Variants in GRAMD1B observed in about 807,000 individuals in gnomAD.
GRAMD1B encodes GRAM domain containing 1B.
Under a neutral mutation model 99.7 loss-of-function variants are expected in GRAMD1B, and 37 were observed. The observed-to-expected ratio is 0.37, with a 90% confidence interval of 0.29 to 0.49. The LOEUF (loss-of-function observed/expected upper bound fraction) is 0.49, where lower values mean the gene tolerates loss of function less well. Among genes scored for constraint, GRAMD1B ranks in the 20% least tolerant of loss-of-function variants. The pLI, the probability that GRAMD1B is intolerant of heterozygous loss-of-function variation, is 0.98. For synonymous variants in GRAMD1B, 427 were observed against 387.6 expected (o/e 1.10, Z -1.19); for missense variants, 888 against 1,009.2 (o/e 0.88, Z 1.63).
In GRAMD1B at chr11:123,627,284, C is replaced by G. The variant is rs1472304294; in HGVS notation, c.*4689C>G. 1 of 152,346 alleles carries G rather than the reference C, an allele frequency of 6.6e-6. No individual in the cohort carries two copies. Among genetic ancestry groups the G allele is most frequent in the Non-Finnish European group, 1.5e-5 (1 of 68,128 alleles). The allele number at this position is 152,346 out of a possible 1,614,324, so 9.4% of individuals were successfully genotyped here. A position where few individuals can be genotyped will look rare whatever the true frequency, so the allele number is the denominator to read the frequency against. ...GGGCATCGGCCTGGGGCTTGGGTGC[C>G]ACGTGCTGAGATTGCATAGTCAAAA... On this transcript the variant is annotated 3_prime_UTR_variant, in exon 20 of 20. Transcript: ENST00000635736.
intron 8 of GRAMD1B, among the ~76,000 whole-genome samples, chr11:123,602,492 G>C (rs367972167): frequency 2.6e-5 from 4 of 151,924 alleles, no homozygotes; most frequent in Non-Finnish European, 5.9e-5. Context: ...GAAGTCTATC[G>C]GTGCAAACAT....
intron 2 of GRAMD1B, among the ~76,000 whole-genome samples, chr11:123,562,520 C>G (rs893377553): frequency 6.6e-6 from 1 of 152,192 alleles, no homozygotes; most frequent in African/African-American, 2.4e-5. Context: ...CCCAATAAAA[C>G]TTTATTTATG....
chr11:123,541,269 A>G (rs144982029), intron 2 of GRAMD1B, among the ~76,000 whole-genome samples: 1 of 152,236 alleles, frequency 6.6e-6, no homozygotes, highest in Non-Finnish European at 1.5e-5. Context: ...AGCATTCTTT[A>G]GATAGAAACC....
At chr11:123,480,091 C>A (rs1313516088) in intron 1 of GRAMD1B, among the ~76,000 whole-genome samples, 1 of 152,146 alleles carries the variant, frequency 6.6e-6, no homozygotes, top group Non-Finnish European at 1.5e-5. Flanking sequence ...TTTTCTTTCT[C>A]TGGAGTAAGA....
In GRAMD1B at chr11:123,603,444, CT is replaced by C; in HGVS notation, c.1070del (p.Leu357ProfsTer15). 6.2e-7 allele frequency: 1 copy of C among 1,610,984 alleles called. No homozygotes were observed. The highest frequency in any genetic ancestry group is 8.5e-7 in the Non-Finnish European group (1 of 1,177,116). ...LLEKPLCPKE[L>X]WHFVHQCYGN... ...CCTGAAGCCTCTGTGTCCCAAGGAG[CT>C]CTGGCACTTTGTTCACCAGTGCTAT... On this transcript the variant is annotated frameshift_variant, in exon 9 of 20. Coordinates refer to ENST00000635736, the MANE Select transcript of GRAMD1B (RefSeq NM_001387025.1). LOFTEE classifies it high-confidence loss of function.
chr11:123,359,313 CAA>C (rs1394246099), intron 1 of GRAMD1B, among the ~76,000 whole-genome samples: 4 of 53,024 alleles, frequency 7.5e-5, no homozygotes, highest in African/African-American at 2.8e-4. Flanking sequence ...CGAGATTTGG[CAA>C]AAAGACAAAG....
chr11:123,556,801 G>T (rs1440077699), intron 2 of GRAMD1B, among the ~76,000 whole-genome samples: 1 of 152,188 alleles, frequency 6.6e-6, no homozygotes, highest in South Asian at 2.1e-4. Flanking sequence ...GGCTTTGTTA[G>T]GATTGCAGCA....
chr11:123,523,390 A>C (rs1158760237), intron 2 of GRAMD1B, among the ~76,000 whole-genome samples: 1 of 152,172 alleles, frequency 6.6e-6, no homozygotes, highest in Non-Finnish European at 1.5e-5. Flanking sequence ...ATTATCTGAA[A>C]ATCATGAGGT....
intron 1 of GRAMD1B, among the ~76,000 whole-genome samples, chr11:123,419,733 GTGTGTGTGTGT>G: frequency 7.5e-6 from 1 of 132,568 alleles, no homozygotes; most frequent in African/African-American, 2.8e-5. Context: ...GTGTGTGTGT[GTGTGTGTGTGT>G]GTGAATGAGA....
Position 123,589,614 on chromosome 11 carries a change from T to TTATATATATATATA in GRAMD1B, c.685-4458_685-4445dup, listed in dbSNP as rs71060517. 6.7e-4 allele frequency among the ~76,000 whole-genome samples: 86 copies of TTATATATATATATA among 128,254 alleles called. 1 individual carries two copies. Among genetic ancestry groups the TTATATATATATATA allele is most frequent in the African/African-American group, 2.3e-3 (65 of 28,530 alleles). 84.1% of individuals were successfully genotyped at this position (128,254 alleles called of 152,430 possible). On this transcript the variant is annotated intron_variant, in intron 4 of 19. Transcript: ENST00000635736. ...ACCTGCCACCATGTGTGGCTAATTTTTATATATATATATATATATATATTT... is the reference window on the plus strand; with the variant it reads ...ACCTGCCACCATGTGTGGCTAATTTTTATATATATATATATATATATATATATATATATATATTT...
chr11:123,533,674 G>T (rs7119938), intron 2 of GRAMD1B, among the ~76,000 whole-genome samples: 1 of 152,028 alleles, frequency 6.6e-6, no homozygotes, highest in Non-Finnish European at 1.5e-5. Context: ...TAATCCACCC[G>T]CCTGAGCCTC....
Position 123,584,398 on chromosome 11 carries a change from G to GT in GRAMD1B, c.684+66_684+67insT. ...ATGGGAGGGGGAATGGAGGTTGGGG[G>GT]AAGGGGTGTGGGGTGCGGTTGGGCT... On this transcript the variant is annotated intron_variant, in intron 4 of 19. Coordinates refer to ENST00000635736, the MANE Select transcript of GRAMD1B (RefSeq NM_001387025.1). 2.9e-6 allele frequency: 2 copies of GT among 694,248 alleles called. 1 individual carries two copies. 43.0% of individuals were successfully genotyped at this position (694,248 alleles called of 1,614,324 possible).
At chr11:123,370,037 G>A (rs910177574) in intron 1 of GRAMD1B, among the ~76,000 whole-genome samples, 24 of 151,874 alleles carry the variant, frequency 1.6e-4, no homozygotes, top group South Asian at 1.2e-3. Flanking sequence ...CTTCTTGGCC[G>A]GGCATGATGG....
chr11:123,410,025 T>C (rs376626520), intron 1 of GRAMD1B, among the ~76,000 whole-genome samples: 1 of 152,272 alleles, frequency 6.6e-6, no homozygotes, highest in South Asian at 2.1e-4. Context: ...TCTCCATCTC[T>C]GCCTTGTGCC....
chr11:123,465,940 A>G (rs1054418176), intron 1 of GRAMD1B, among the ~76,000 whole-genome samples: 4 of 152,104 alleles, frequency 2.6e-5, no homozygotes, highest in African/African-American at 9.6e-5. Flanking sequence ...ATTAAACTGG[A>G]GCAGTTTAGT....
At chr11:123,573,635 A>G (rs1948403054) in intron 2 of GRAMD1B, among the ~76,000 whole-genome samples, 1 of 152,192 alleles carries the variant, frequency 6.6e-6, no homozygotes, top group Non-Finnish European at 1.5e-5. Flanking sequence ...CAAGAATCCA[A>G]ATATATCACC....
At chr11:123,590,583 C>G (rs1009643470) in intron 4 of GRAMD1B, among the ~76,000 whole-genome samples, 7 of 152,198 alleles carry the variant, frequency 4.6e-5, no homozygotes. Flanking sequence ...TCCCACCCAC[C>G]TGCCCTGCCT....
chr11:123,556,661 G>C (rs1946212916), intron 2 of GRAMD1B, among the ~76,000 whole-genome samples: 1 of 152,198 alleles, frequency 6.6e-6, no homozygotes, highest in Non-Finnish European at 1.5e-5. Context: ...TTCAGAGAAA[G>C]GTACCCACTT....
chr11:123,621,361 T>G (rs1565481856), intron 19 of GRAMD1B, among the ~76,000 whole-genome samples: 1 of 152,230 alleles, frequency 6.6e-6, no homozygotes, highest in East Asian at 1.9e-4. Flanking sequence ...TAGTCTCCCA[T>G]TTAGACTGCA....
Sources: allele counts gnomAD v4.1 joint callset (sites outside exome capture counted in the v4.1 genomes callset), GRCh38; gene constraint gnomAD v4.1.1; transcripts MANE v1.5; gene names NCBI Gene and HGNC (gene_info 2026-07-23, HGNC 2026-07-21).